The following ACSF2 variants were observed in gnomAD, a reference collection of about 807,000 sequenced individuals.
The protein encoded by ACSF2 is acyl-CoA synthetase family member 2, also known as medium-chain acyl-CoA ligase ACSF2, mitochondrial.
In ACSF2, 52 loss-of-function variants were observed where a neutral mutation model predicts 79.3. The ratio of observed to expected loss-of-function variants is 0.66; its 90% CI spans 0.53 to 0.83. ACSF2 has a LOEUF of 0.83. Ranked by LOEUF, ACSF2 falls within the 40% of genes least tolerant of loss-of-function variation. ACSF2 has a pLI of 0.00. For synonymous variants in ACSF2, 283 were observed against 312.6 expected, an observed-to-expected ratio of 0.91 and a Z score of 1.00; for missense variants, 661 against 803.3, an observed-to-expected ratio of 0.82 and a Z score of 2.14.
chr17:50,462,677 G>A (rs1013770258), intron 6 of ACSF2, 92 bp downstream of exon 6: 2 of 1,439,502 alleles, frequency 1.4e-6, no homozygotes, highest in African/African-American at 1.4e-5. Flanking sequence ...CAGCAGAGGA[G>A]AGCATGCCTT....
At chr17:50,427,286 A>G (rs1266023896) in intron 1 of ACSF2, among the ~76,000 whole-genome samples, 2 of 152,172 alleles carry the variant, frequency 1.3e-5, no homozygotes, top group East Asian at 1.9e-4. Flanking sequence ...TTTTGTTTTT[A>G]AAAAGGCTAA....
intron 1 of ACSF2, among the ~76,000 whole-genome samples, chr17:50,437,810 C>T (rs2030558440): frequency 6.6e-6 from 1 of 152,076 alleles, no homozygotes; most frequent in Non-Finnish European, 1.5e-5. Flanking sequence ...TTAAAACTTT[C>T]ATGTGAAAAA....
chr17:50,441,885 G>A (rs1480262313), intron 1 of ACSF2, among the ~76,000 whole-genome samples: 1 of 151,920 alleles, frequency 6.6e-6, no homozygotes, highest in Non-Finnish European at 1.5e-5. Context: ...CTGTCTCCCA[G>A]GCTGGAGTGC....
chr17:50,445,389 T>C (rs2031232451), intron 1 of ACSF2, among the ~76,000 whole-genome samples: 1 of 152,242 alleles, frequency 6.6e-6, no homozygotes, highest in African/African-American at 2.4e-5. Context: ...ATACTCAGTG[T>C]TCCTTTTCTC....
At position 50,464,774 on chromosome 17, in the gene ACSF2, G is replaced by C; in HGVS notation, c.1215+480G>C. ...TGTTGTGGTTCTGATTGACTTGGGG[G>C]GGGGGTCTCAGCAACAGCTTCTCCA... On this transcript the variant is annotated intron_variant, in intron 10 of 15. Coordinates refer to ENST00000300441, the MANE Select transcript of ACSF2 (RefSeq NM_025149.6). 6.0e-6 allele frequency: 2 copies of C among 333,130 alleles called. 1 individual carries two copies. The highest frequency in any genetic ancestry group is 1.2e-5 in the Non-Finnish European group (2 of 169,560). 20.6% of individuals were successfully genotyped at this position (333,130 alleles called of 1,614,324 possible).
intron 1 of ACSF2, among the ~76,000 whole-genome samples, chr17:50,449,949 A>G (rs545092804): frequency 2.4e-4 from 37 of 152,122 alleles, no homozygotes; most frequent in African/African-American, 8.9e-4. Context: ...CTACTGCTAG[A>G]CAGCTTTTAC....
chr17:50,472,442 C>G lies in ACSF2; in HGVS notation c.1338C>G (p.Asn446Lys). ...TCCTGTCCCAGGCCCGGATCATGAA[C>G]ATGGAGGCAGGGACGCTGGCAAAGC... Reference protein sequence around the residue: ...IMPHTEARIMNMEAGTLAKLN... With the variant: ...IMPHTEARIMKMEAGTLAKLN... The change falls in exon 12 of 16, where the codon AAC becomes AAG. Residue 446 changes from asparagine to lysine, a missense_variant. Coordinates refer to ENST00000300441, the MANE Select transcript of ACSF2 (RefSeq NM_025149.6). 6.2e-7 allele frequency: 1 copy of G among 1,612,364 alleles called. No individual in the cohort carries two copies. The highest frequency in any genetic ancestry group is 1.1e-5 in the South Asian group (1 of 90,794).
chr17:50,455,868 C>T lies in ACSF2; in HGVS notation c.129-4809C>T, dbSNP rs191243063. Among the ~76,000 whole-genome samples the T allele has an allele frequency of 2.9e-3, 436 of 152,266 alleles. 2 individuals are homozygous for T. The highest frequency in any genetic ancestry group is 0.01 in the African/African-American group (416 of 41,550). On this transcript the variant is annotated intron_variant, in intron 1 of 15. Transcript: ENST00000300441. ...CAGCAGTGTTCCTCCTTCACTGTGACGCTTGTCCTCACTTCCCAGGTGAGG... is the reference window on the plus strand; with the variant it reads ...CAGCAGTGTTCCTCCTTCACTGTGATGCTTGTCCTCACTTCCCAGGTGAGG...
At chr17:50,428,737 G>A (rs775946840) in intron 1 of ACSF2, among the ~76,000 whole-genome samples, 22 of 152,308 alleles carry the variant, frequency 1.4e-4, no homozygotes, top group Non-Finnish European at 2.5e-4. Context: ...AGCTGAGATT[G>A]CACCACTGCA....
intron 1 of ACSF2, among the ~76,000 whole-genome samples, chr17:50,438,581 T>C (rs958216241): frequency 3.0e-4 from 45 of 152,262 alleles, no homozygotes; most frequent in African/African-American, 9.6e-4. Flanking sequence ...TTCTTTTTTT[T>C]TGGGAGATGG....
chr17:50,471,500 C>T lies in ACSF2; in HGVS notation c.1323+365C>T, dbSNP rs1246641148. ...CAGCTTCTTTTCCTCCAGTGGTGCTCGCCTCTCGCTTTAGCAGAGTTCTTC... is the reference window on the plus strand; with the variant it reads ...CAGCTTCTTTTCCTCCAGTGGTGCTTGCCTCTCGCTTTAGCAGAGTTCTTC... On this transcript the variant is annotated intron_variant, in intron 11 of 15. Coordinates refer to ENST00000300441, the MANE Select transcript of ACSF2 (RefSeq NM_025149.6). The surrounding 1 kb of genome is among the most constrained non-coding windows in gnomAD (Gnocchi z 4.1). 1.1e-5 allele frequency: 3 copies of T among 278,036 alleles called. No individual in the cohort carries two copies. The highest frequency in any genetic ancestry group is 2.1e-5 in the Non-Finnish European group (3 of 140,952). The allele number at this position is 278,036 out of a possible 1,614,324, so 17.2% of individuals were successfully genotyped here. A position where few individuals can be genotyped will look rare whatever the true frequency, so the allele number is the denominator to read the frequency against.
intron 1 of ACSF2, among the ~76,000 whole-genome samples, chr17:50,440,726 T>C (rs1598397402): frequency 6.6e-6 from 1 of 152,246 alleles, no homozygotes; most frequent in Non-Finnish European, 1.5e-5. Flanking sequence ...CAGTTCCTGC[T>C]GGTAGGCAAG....
intron 1 of ACSF2, among the ~76,000 whole-genome samples, chr17:50,428,273 G>A (rs1342407104): frequency 6.6e-6 from 1 of 152,090 alleles, no homozygotes; most frequent in East Asian, 1.9e-4. Flanking sequence ...ATCACTTGAA[G>A]TCAGGAGACC....
intron 10 of ACSF2, chr17:50,464,770 G>A: frequency 6.1e-6 from 1 of 163,354 alleles, no homozygotes; most frequent in Admixed American, 7.7e-5. Flanking sequence ...TGATTGACTT[G>A]GGGGGGGGGT....
At chr17:50,434,547 A>T (rs1666351774) in intron 1 of ACSF2, among the ~76,000 whole-genome samples, 1 of 151,348 alleles carries the variant, frequency 6.6e-6, no homozygotes, top group Admixed American at 6.6e-5. Flanking sequence ...TTAGCTGGGC[A>T]TGGTGGCATG....
rs2032315665 is a variant in ACSF2 at position 50,461,361 on chromosome 17, C to T, written c.444C>T (p.Gly148=). Residue 148 remains glycine, a synonymous_variant, in exon 3 of 16, where the codon GGC becomes GGT. Transcript: ENST00000300441. ...TGCAGTTGGCCACCGCCCAGGCGGG[C>T]ATCATTCTGGTGAGGAGGGGCTTGC... ...VLMQLATAQA[G]IILVSVNPAY... 1 of 1,613,956 alleles carries T rather than the reference C, an allele frequency of 6.2e-7. No homozygotes were observed. Among genetic ancestry groups the T allele is most frequent in the African/African-American group, 1.3e-5 (1 of 74,944 alleles).
Position 50,468,560 on chromosome 17 carries a change from C to G in ACSF2, c.1216-2468C>G, listed in dbSNP as rs1382533968. 1.9e-6 allele frequency: 3 copies of G among 1,614,252 alleles called. No homozygotes were observed. In the South Asian group the frequency reaches 3.3e-5, roughly 18 times the overall value. On this transcript the variant is annotated intron_variant, in intron 10 of 15. Coordinates refer to ENST00000300441, the MANE Select transcript of ACSF2 (RefSeq NM_025149.6). Reference sequence around the variant, plus strand: ...ACCGGCGGCCACCTCGCGGATCTGGCAGTGCTGCAGGTGCAATGACACGAG... The same window carrying G: ...ACCGGCGGCCACCTCGCGGATCTGGGAGTGCTGCAGGTGCAATGACACGAG...
chr17:50,460,521 T>C lies in ACSF2; in HGVS notation c.129-156T>C. On this transcript the variant is annotated intron_variant, in intron 1 of 15. Coordinates refer to ENST00000300441, the MANE Select transcript of ACSF2 (RefSeq NM_025149.6). ...TAGGCTTGAGGTTGGGAAAAGGGTC[T>C]GGGGGATTTTAGGCTTACAAGAAGA... 2 of 676,624 alleles carry C rather than the reference T, an allele frequency of 3.0e-6. 1 individual carries two copies. 41.9% of individuals were successfully genotyped at this position (676,624 alleles called of 1,614,324 possible). A position where few individuals can be genotyped will look rare whatever the true frequency, so the allele number is the denominator to read the frequency against.
intron 1 of ACSF2, among the ~76,000 whole-genome samples, chr17:50,428,865 G>A (rs888494049): frequency 1.3e-5 from 2 of 152,260 alleles, no homozygotes; most frequent in African/African-American, 4.8e-5. Context: ...TCTGCGTCAT[G>A]CTAGCACATG....
Sources: allele counts gnomAD v4.1 joint callset (sites outside exome capture counted in the v4.1 genomes callset), GRCh38; gene constraint gnomAD v4.1.1; non-coding constraint Gnocchi (gnomAD v3.1); transcripts MANE v1.5; gene names NCBI Gene and HGNC (gene_info 2026-07-23, HGNC 2026-07-21).